GOLGA1: variants seen among roughly 807,000 people sequenced by gnomAD.
GOLGA1 encodes golgin subfamily A member 1.
In GOLGA1, 63 loss-of-function variants were observed where a neutral mutation model predicts 119.7. The observed-to-expected ratio is 0.53, with a 90% CI of 0.43 to 0.65. The LOEUF is 0.65. Ranked by LOEUF, GOLGA1 falls within the 30% of genes least tolerant of loss-of-function variation. The probability of loss-of-function intolerance (pLI) is 0.00; values close to 1 mark genes in which losing one functional copy is unlikely to be tolerated. For missense variants in GOLGA1, 798 were observed against 912.8 expected, an observed-to-expected ratio of 0.87 and a Z score of 1.62; for synonymous variants, 318 against 333.4, an observed-to-expected ratio of 0.95 and a Z score of 0.50.
chr9:124,887,956 G>T (rs577692860), intron 19 of GOLGA1, among the ~76,000 whole-genome samples: 1 of 152,188 alleles, frequency 6.6e-6, no homozygotes, highest in South Asian at 2.1e-4. Flanking sequence ...GAGGACTGTC[G>T]CTATGGCCTG....
chr9:124,902,078 T>C (rs183573194), intron 12 of GOLGA1, among the ~76,000 whole-genome samples: 91 of 152,338 alleles, frequency 6.0e-4, no homozygotes, highest in Middle Eastern at 3.4e-3. Flanking sequence ...CCTTCTTATT[T>C]ACTGAATAAG....
At chr9:124,928,315 T>G in intron 5 of GOLGA1, 30 bp from the exon 6 acceptor site, 1 of 1,173,962 alleles carries the variant, frequency 8.5e-7, no homozygotes, top group Non-Finnish European at 1.3e-6. Flanking sequence ...ATTTGAGATA[T>G]GAAAACACTT....
intron 14 of GOLGA1, among the ~76,000 whole-genome samples, chr9:124,899,075 A>C (rs1830041943): frequency 6.6e-6 from 1 of 152,174 alleles, no homozygotes; most frequent in Non-Finnish European, 1.5e-5. Context: ...GCACGCCTGT[A>C]GTCCCAGCTA....
chr9:124,892,510 T>C (rs1297340762), intron 15 of GOLGA1, among the ~76,000 whole-genome samples: 1 of 152,138 alleles, frequency 6.6e-6, no homozygotes, highest in Non-Finnish European at 1.5e-5. Context: ...AGAGTTTTGC[T>C]CTTGTCACCC....
intron 5 of GOLGA1, among the ~76,000 whole-genome samples, 200 bp from the exon 6 acceptor site, chr9:124,928,485 T>C (rs903461079): frequency 6.6e-6 from 1 of 152,218 alleles, no homozygotes; most frequent in African/African-American, 2.4e-5. Flanking sequence ...TTTTGTTTGT[T>C]TCCTTATCGT....
intron 17 of GOLGA1, 64 bp downstream of exon 17, chr9:124,889,370 C>A: frequency 1.3e-6 from 2 of 1,591,796 alleles, no homozygotes; most frequent in Non-Finnish European, 1.7e-6. Context: ...GTGGCAAGGC[C>A]GTCACAAGGC....
chr9:124,892,752 G>A (rs190214890), intron 15 of GOLGA1, among the ~76,000 whole-genome samples: 1 of 152,096 alleles, frequency 6.6e-6, no homozygotes, highest in Non-Finnish European at 1.5e-5. Context: ...GACCAACATG[G>A]AGAAACCCCA....
chr9:124,919,118 G>T (rs981418332), intron 10 of GOLGA1, among the ~76,000 whole-genome samples: 2 of 151,876 alleles, frequency 1.3e-5, no homozygotes, highest in African/African-American at 4.8e-5. Flanking sequence ...TTAGCCTGTT[G>T]TAGTGGCATG....
In GOLGA1 at chr9:124,898,571, T is replaced by C; in HGVS notation, c.1385A>G (p.Gln462Arg). 1.3e-6 allele frequency: 2 copies of C among 1,597,920 alleles called. No homozygotes were observed. The highest frequency in any genetic ancestry group is 1.1e-5 in the South Asian group (1 of 90,202). The part of the protein sequence containing the change: ...NEYERSLQNH[Q>R]FELKKLKEEW... ...TACCTTCAGCTTCTTTAGTTCAAAT[T>C]GGTGATTTTGTAAAGAACGTTCATA... Residue 462 changes from glutamine to arginine, a missense_variant, in exon 15 of 23, where the codon CAA (glutamine) becomes CGA (arginine). By Grantham distance (43) the Gln-to-Arg change is conservative. Coordinates refer to ENST00000373555, the MANE Select transcript of GOLGA1 (RefSeq NM_002077.4).
intron 1 of GOLGA1, chr9:124,947,282 C>G (rs756898505): frequency 6.6e-6 from 1 of 152,142 alleles, no homozygotes; most frequent in Non-Finnish European, 1.5e-5. Context: ...AGGACTACTA[C>G]AGCCTAAGAA....
intron 10 of GOLGA1, among the ~76,000 whole-genome samples, chr9:124,917,447 A>G (rs540076339): frequency 6.6e-5 from 10 of 152,292 alleles, no homozygotes; most frequent in African/African-American, 2.4e-4. Context: ...TCACCCATAA[A>G]AATACAGACT....
chr9:124,881,162 G>C lies in GOLGA1; in HGVS notation c.2223+9C>G, dbSNP rs373003956. The C allele has an allele frequency of 7.7e-6, 11 of 1,422,684 alleles. No individual in the cohort carries two copies. Among genetic ancestry groups the C allele is most frequent in the Non-Finnish European group, 1.1e-5 (11 of 1,004,038 alleles). The allele number at this position is 1,422,684 out of a possible 1,614,324, so 88.1% of individuals were successfully genotyped here. The stretch of plus-strand genomic sequence containing the variant: ...TTGGAAGCTGGAACAGTAGACCAGA[G>C]AACCCTACCTTATATTCCAGAGTTT... On this transcript the variant is annotated intron_variant, in intron 22 of 22. Coordinates refer to ENST00000373555, the MANE Select transcript of GOLGA1 (RefSeq NM_002077.4). This position sits in a 1 kb window ranked among gnomAD's most constrained non-coding sequence, Gnocchi z 4.9.
intron 10 of GOLGA1, among the ~76,000 whole-genome samples, chr9:124,920,883 T>C (rs1830554007): frequency 6.6e-6 from 1 of 151,962 alleles, no homozygotes; most frequent in Non-Finnish European, 1.5e-5. Context: ...AGAGACATAT[T>C]TGAGTCGACC....
intron 19 of GOLGA1, among the ~76,000 whole-genome samples, chr9:124,884,500 G>A (rs76180802): frequency 0.011 from 1,728 of 152,070 alleles, 89 homozygotes; most frequent in Admixed American, 0.083. Flanking sequence ...AGGAACTCCC[G>A]GGGATGCCCT....
In GOLGA1 at chr9:124,888,747, C is replaced by A. The variant is rs1343214804; in HGVS notation, c.1762-351G>T. 1.3e-5 allele frequency among the ~76,000 whole-genome samples: 2 copies of A among 152,168 alleles called. No homozygotes were observed. The highest frequency in any genetic ancestry group is 4.8e-5 in the African/African-American group (2 of 41,434). On this transcript the variant is annotated intron_variant, in intron 18 of 22. Transcript: ENST00000373555. This position sits in a 1 kb window ranked among gnomAD's most constrained non-coding sequence, Gnocchi z 4.4. ...ACGGAGTCTTGCTCTGTCACCCAGGCTGGAGTGCAGTGGCGCAATCTCGGC... is the reference window on the plus strand; with the variant it reads ...ACGGAGTCTTGCTCTGTCACCCAGGATGGAGTGCAGTGGCGCAATCTCGGC...
Position 124,922,585 on chromosome 9 carries a change from G to GA in GOLGA1, c.561+509dup, listed in dbSNP as rs111753016. Among the ~76,000 whole-genome samples the GA allele has an allele frequency of 5.0e-3, 689 of 139,150 alleles. 12 individuals are homozygous for GA. Among genetic ancestry groups the GA allele is most frequent in the South Asian group, 0.034 (145 of 4,238 alleles). 91.3% of individuals were successfully genotyped at this position (139,150 alleles called of 152,430 possible). On this transcript the variant is annotated intron_variant, in intron 8 of 22. Coordinates refer to ENST00000373555, the MANE Select transcript of GOLGA1 (RefSeq NM_002077.4). ...AAAAAAAAGAAAGAAAGAAAGGAAA[G>GA]AAAAAAAAAAATCTAAGCTTGTCAG...
At chr9:124,908,549 T>C (rs921273970) in intron 11 of GOLGA1, 77 bp from the exon 12 acceptor site, 6 of 829,878 alleles carry the variant, frequency 7.2e-6, no homozygotes, top group African/African-American at 3.3e-5. Context: ...CTACAACATA[T>C]TGTGACTTGT....
At chr9:124,909,279 T>A (rs1230921193) in intron 11 of GOLGA1, among the ~76,000 whole-genome samples, 2 of 150,316 alleles carry the variant, frequency 1.3e-5, no homozygotes, top group Admixed American at 1.3e-4. Flanking sequence ...ACCACTGAAC[T>A]CCAGCCTGGG....
intron 14 of GOLGA1, 130 bp downstream of exon 14, chr9:124,899,199 C>G: frequency 1.3e-6 from 1 of 765,646 alleles, no homozygotes; most frequent in Non-Finnish European, 2.0e-6. Context: ...CTGTCTCAAA[C>G]AAAAAAAAAG....
Sources: allele counts gnomAD v4.1 joint callset (sites outside exome capture counted in the v4.1 genomes callset), GRCh38; gene constraint gnomAD v4.1.1; non-coding constraint Gnocchi (gnomAD v3.1); transcripts MANE v1.5; gene names NCBI Gene and HGNC (gene_info 2026-07-23, HGNC 2026-07-21).